ITPKB: variants seen among roughly 807,000 people sequenced by gnomAD.
ITPKB encodes inositol-trisphosphate 3-kinase B, also known as IP3 3-kinase B.
In ITPKB, 13 loss-of-function variants were observed where a neutral mutation model predicts 69.4. The observed-to-expected ratio is 0.19, with a 90% confidence interval of 0.12 to 0.30. The LOEUF (loss-of-function observed/expected upper bound fraction) is 0.30. ITPKB is among the 10% of genes least tolerant of loss of function. ITPKB has a pLI of 1.00. For synonymous variants in ITPKB, 584 were observed against 513.7 expected (o/e 1.14, Z -1.85); for missense variants, 1,240 against 1,250.5 (o/e 0.99, Z 0.13).
chr1:226,735,951 G>C lies in ITPKB; in HGVS notation c.1508C>G (p.Pro503Arg). ...GCCCTGCCAAACCCTGGAGTTCCCA[G>C]GCTGCACACCCACCCTGTCCCCAGG... is the stretch of plus-strand genomic sequence containing the variant. ...CPPGDRVGVQ[P>R]GNSRVWQGTM... is the part of the protein sequence containing the mutation. The change falls in exon 2 of 8, where the codon CCT (proline) becomes CGT (arginine). Residue 503 changes from proline to arginine, a missense_variant. Pro to Arg is a moderately radical substitution (Grantham distance 103, BLOSUM62 -2). Coordinates refer to ENST00000429204, the MANE Select transcript of ITPKB (RefSeq NM_002221.4). The C allele has an allele frequency of 6.2e-7, 1 of 1,614,050 alleles. No homozygotes were observed. Among genetic ancestry groups the C allele is most frequent in the South Asian group, 1.1e-5 (1 of 91,088 alleles).
chr1:226,652,850 TG>T (rs1199049511), intron 2 of ITPKB, among the ~76,000 whole-genome samples: 18 of 152,228 alleles, frequency 1.2e-4, no homozygotes, highest in Admixed American at 1.2e-3. Flanking sequence ...CTGGGGCAGG[TG>T]GCCAGCTCTG....
intron 2 of ITPKB, among the ~76,000 whole-genome samples, chr1:226,673,538 C>A (rs1181684507): frequency 6.6e-6 from 1 of 152,132 alleles, no homozygotes; most frequent in Non-Finnish European, 1.5e-5. Flanking sequence ...CCACCAAATC[C>A]CAACCTGCAG....
In ITPKB at chr1:226,682,167, C is replaced by G. The variant is rs371326265; in HGVS notation, c.1933-33396G>C. ...TTTACAACCATTGTTGCCTGGGTCC[C>G]CCCCCGCCCCGAGATTCTGGCTTAG... On this transcript the variant is annotated intron_variant, in intron 2 of 7. Coordinates refer to ENST00000429204, the MANE Select transcript of ITPKB (RefSeq NM_002221.4). 3.1e-4 allele frequency among the ~76,000 whole-genome samples: 47 copies of G among 152,240 alleles called. 1 individual carries two copies. The East Asian group carries it at 8.7e-3, about 28-fold the overall frequency.
intron 2 of ITPKB, among the ~76,000 whole-genome samples, chr1:226,723,554 T>C (rs903878968): frequency 6.6e-6 from 1 of 152,152 alleles, no homozygotes; most frequent in East Asian, 1.9e-4. Context: ...AGTGTTGTTC[T>C]ACACACACAC....
chr1:226,697,495 G>C (rs1656517400), intron 2 of ITPKB, among the ~76,000 whole-genome samples: 1 of 152,230 alleles, frequency 6.6e-6, no homozygotes, highest in Admixed American at 6.5e-5. Flanking sequence ...CATCCCTGGA[G>C]AGATGGGTGT....
At chr1:226,722,413 A>G (rs1388695253) in intron 2 of ITPKB, among the ~76,000 whole-genome samples, 1 of 152,224 alleles carries the variant, frequency 6.6e-6, no homozygotes, top group East Asian at 1.9e-4. Flanking sequence ...GGCTCCGTTC[A>G]GCTTCTTGGG....
intron 6 of ITPKB, among the ~76,000 whole-genome samples, chr1:226,638,322 C>T (rs753931962): frequency 1.3e-5 from 2 of 152,218 alleles, no homozygotes; most frequent in Non-Finnish European, 2.9e-5. Flanking sequence ...CACATTCCCC[C>T]TGCCTGCAGC....
rs1407442826 is a variant in ITPKB, at chr1:226,634,051, C to T, written c.*620G>A. ...GCCTGGAGCCGGCAGGTTTCCATAC[C>T]AGATGGGTGGGGGGCCTTGCCTGAG... On this transcript the variant is annotated 3_prime_UTR_variant, in exon 8 of 8. Transcript: ENST00000429204. This position sits in a 1 kb window ranked among gnomAD's most constrained non-coding sequence, Gnocchi z 6.3. 1 of 152,582 alleles carries T rather than the reference C, an allele frequency of 6.6e-6. No homozygotes were observed. Among genetic ancestry groups the T allele is most frequent in the Non-Finnish European group, 1.5e-5 (1 of 68,338 alleles). 9.5% of individuals were successfully genotyped at this position (152,582 alleles called of 1,614,324 possible).
In ITPKB at chr1:226,735,605, G is replaced by T; in HGVS notation, c.1854C>A (p.Asp618Glu). The T allele has an allele frequency of 6.2e-7, 1 of 1,604,826 alleles. No homozygotes were observed. The highest frequency in any genetic ancestry group is 1.1e-5 in the South Asian group (1 of 89,892). ...GGGTGCGCTCAGGGTCACTGGAGATGTCCTCCTCTGAGTCTTCGTAGGATG... is the reference window on the plus strand; with the variant it reads ...GGGTGCGCTCAGGGTCACTGGAGATTTCCTCCTCTGAGTCTTCGTAGGATG... ...FSSSYEDSEE[D>E]ISSDPERTLD... The change falls in exon 2 of 8, where the codon GAC becomes GAA. Residue 618 changes from aspartate to glutamate, a missense_variant. Transcript: ENST00000429204.
chr1:226,720,095 C>T (rs971379755), intron 2 of ITPKB, among the ~76,000 whole-genome samples: 5 of 152,228 alleles, frequency 3.3e-5, no homozygotes, highest in African/African-American at 4.8e-5. Flanking sequence ...TCTATTACAT[C>T]CCTTTTTTAA....
chr1:226,692,807 A>T (rs1293421105), intron 2 of ITPKB, among the ~76,000 whole-genome samples: 1 of 152,232 alleles, frequency 6.6e-6, no homozygotes, highest in Non-Finnish European at 1.5e-5. Flanking sequence ...TTTGAAGAAC[A>T]TACCAACTTC....
At chr1:226,672,210 G>A (rs898728001) in intron 2 of ITPKB, among the ~76,000 whole-genome samples, 2 of 152,116 alleles carry the variant, frequency 1.3e-5, no homozygotes, top group Non-Finnish European at 2.9e-5. Context: ...GAGAGGCACC[G>A]AAATGTGACA....
chr1:226,695,812 G>A (rs1184596682), intron 2 of ITPKB, among the ~76,000 whole-genome samples: 2 of 152,202 alleles, frequency 1.3e-5, no homozygotes, highest in Non-Finnish European at 2.9e-5. Flanking sequence ...AAGAAGGGAA[G>A]TGGAGAAATT....
chr1:226,667,231 G>A (rs568574714), intron 2 of ITPKB, among the ~76,000 whole-genome samples: 2 of 152,260 alleles, frequency 1.3e-5, no homozygotes, highest in African/African-American at 4.8e-5. Flanking sequence ...ATTCCTTGAG[G>A]ACTGGAAATG....
rs182078470 is a variant in ITPKB, at chr1:226,651,788, G to C, written c.1933-3017C>G. Among the ~76,000 whole-genome samples, 776 of 152,272 alleles carry C rather than the reference G, an allele frequency of 5.1e-3. 6 individuals are homozygous for C. The highest frequency in any genetic ancestry group is 7.4e-3 in the Non-Finnish European group (504 of 68,022). ...AGACCAGGGGTCTAGAAAGGAGGGG[G>C]TGCTCCAGGGTGGGGGTCTTCTGAC... On this transcript the variant is annotated intron_variant, in intron 2 of 7. Transcript: ENST00000429204.
intron 2 of ITPKB, among the ~76,000 whole-genome samples, chr1:226,698,493 T>G (rs1656550684): frequency 6.6e-6 from 1 of 152,208 alleles, no homozygotes; most frequent in Non-Finnish European, 1.5e-5. Flanking sequence ...CTCCCCAGAC[T>G]AAACCAACTA....
intron 2 of ITPKB, among the ~76,000 whole-genome samples, chr1:226,689,780 C>T (rs921973324): frequency 6.6e-6 from 1 of 152,136 alleles, no homozygotes; most frequent in African/African-American, 2.4e-5. Context: ...TACCCTCTAC[C>T]CTTCAAAAGG....
chr1:226,640,369 C>T (rs944479166), intron 5 of ITPKB, among the ~76,000 whole-genome samples: 12 of 152,216 alleles, frequency 7.9e-5, no homozygotes, highest in Non-Finnish European at 1.2e-4. Flanking sequence ...CGTGTCTGCC[C>T]TCAGGCTGGA....
At chr1:226,719,122 CA>C (rs1023033060) in intron 2 of ITPKB, among the ~76,000 whole-genome samples, 3 of 152,006 alleles carry the variant, frequency 2.0e-5, no homozygotes, top group Non-Finnish European at 4.4e-5. Context: ...CTAAAAAACA[CA>C]AAAAAAGTAG....
Sources: allele counts gnomAD v4.1 joint callset (sites outside exome capture counted in the v4.1 genomes callset), GRCh38; gene constraint gnomAD v4.1.1; non-coding constraint Gnocchi (gnomAD v3.1); transcripts MANE v1.5; gene names NCBI Gene and HGNC (gene_info 2026-07-23, HGNC 2026-07-21).